GNAQ: variants seen among roughly 807,000 people sequenced by gnomAD.
The protein encoded by GNAQ is G protein subunit alpha q, also known as guanine nucleotide-binding protein G(q) subunit alpha.
GNAQ carries 8 observed loss-of-function variants against 43.9 expected under a neutral mutation model. That is an observed-to-expected ratio of 0.18 (90% CI 0.11 to 0.33). The LOEUF (loss-of-function observed/expected upper bound fraction) is 0.33, where lower values mean the gene tolerates loss of function less well. Among genes scored for constraint, GNAQ ranks in the 10% least tolerant of loss-of-function variants. GNAQ has a pLI of 1.00. For missense variants in GNAQ, 158 were observed against 450.8 expected (o/e 0.35, Z 5.88); for synonymous variants, 155 against 170.7 (o/e 0.91, Z 0.71).
At chr9:77,845,645 C>T (rs1210565103) in intron 2 of GNAQ, among the ~76,000 whole-genome samples, 1 of 152,162 alleles carries the variant, frequency 6.6e-6, no homozygotes, top group African/African-American at 2.4e-5. Context: ...ATCTCACAAC[C>T]ATCTCTTTAT....
intron 4 of GNAQ, 125 bp downstream of exon 4, chr9:77,797,395 G>T: frequency 1.4e-6 from 1 of 723,738 alleles, no homozygotes; most frequent in Non-Finnish European, 2.4e-6. Context: ...TATAACTAAT[G>T]ATAATAATTG....
At chr9:77,893,718 A>G (rs1316177778) in intron 2 of GNAQ, among the ~76,000 whole-genome samples, 1 of 152,194 alleles carries the variant, frequency 6.6e-6, no homozygotes, top group Non-Finnish European at 1.5e-5. Context: ...GGTTGTAAGG[A>G]AAACAGATGA....
At chr9:77,744,708 T>C (rs1825704740) in intron 5 of GNAQ, among the ~76,000 whole-genome samples, 1 of 152,104 alleles carries the variant, frequency 6.6e-6, no homozygotes, top group South Asian at 2.1e-4. Flanking sequence ...AGAATTACCA[T>C]CTTGCTGTAT....
chr9:77,973,648 C>G (rs1393729841), intron 1 of GNAQ, among the ~76,000 whole-genome samples: 1 of 152,158 alleles, frequency 6.6e-6, no homozygotes, highest in African/African-American at 2.4e-5. Context: ...GAAACCCTGT[C>G]TCTACTAAAA....
At chr9:78,014,849 TCAA>T (rs955590622) in intron 1 of GNAQ, among the ~76,000 whole-genome samples, 5 of 152,178 alleles carry the variant, frequency 3.3e-5, no homozygotes, top group African/African-American at 9.7e-5. Flanking sequence ...AATGTTTCAG[TCAA>T]CAACAGACCA....
intron 1 of GNAQ, among the ~76,000 whole-genome samples, chr9:77,999,722 C>A (rs1823620071): frequency 6.6e-6 from 1 of 152,140 alleles, no homozygotes; most frequent in Non-Finnish European, 1.5e-5. Context: ...CATGGATGAA[C>A]AGGATTAACA....
intron 2 of GNAQ, among the ~76,000 whole-genome samples, chr9:77,896,729 C>T (rs544840293): frequency 1.2e-3 from 179 of 152,318 alleles, no homozygotes; most frequent in African/African-American, 4.1e-3. Flanking sequence ...ACAGCTCCTC[C>T]TCAACTTCCC....
chr9:77,934,384 A>G (rs10869988), intron 1 of GNAQ, among the ~76,000 whole-genome samples: 33,702 of 152,140 alleles, frequency 0.22, 3,924 homozygotes, highest in South Asian at 0.38. Context: ...AAGTTGACTA[A>G]AAACTACAGT....
intron 1 of GNAQ, among the ~76,000 whole-genome samples, chr9:77,961,170 G>C (rs1338280870): frequency 6.6e-6 from 1 of 152,104 alleles, no homozygotes; most frequent in Non-Finnish European, 1.5e-5. Flanking sequence ...TAAAATGGGG[G>C]GAAAAGCCCA....
intron 3 of GNAQ, among the ~76,000 whole-genome samples, chr9:77,801,710 CAAAAACCA>C (rs1826744917): frequency 6.6e-6 from 1 of 152,042 alleles, no homozygotes; most frequent in African/African-American, 2.4e-5. Flanking sequence ...CATCTAGAAC[CAAAAACCA>C]AACCAAACAA....
At chr9:77,762,423 G>A (rs1352352684) in intron 5 of GNAQ, among the ~76,000 whole-genome samples, 1 of 132,368 alleles carries the variant, frequency 7.6e-6, no homozygotes, top group Admixed American at 7.1e-5. Flanking sequence ...CGGGAGGGAG[G>A]TGGGGGGGTC....
chr9:77,762,400 C>A (rs1348534993), intron 5 of GNAQ, among the ~76,000 whole-genome samples: 1 of 135,892 alleles, frequency 7.4e-6, no homozygotes, highest in African/African-American at 2.9e-5. Context: ...TCTGCCTGGC[C>A]AGCCACCCCA....
At chr9:77,860,506 C>T (rs1248270561) in intron 2 of GNAQ, among the ~76,000 whole-genome samples, 2 of 152,094 alleles carry the variant, frequency 1.3e-5, no homozygotes, top group African/African-American at 2.4e-5. Context: ...AACTGTTACA[C>T]CTCAAATCAT....
At chr9:77,734,724 T>C (rs1825550046) in intron 5 of GNAQ, among the ~76,000 whole-genome samples, 1 of 152,166 alleles carries the variant, frequency 6.6e-6, no homozygotes, top group Admixed American at 6.5e-5. Context: ...GATGATAATT[T>C]CTGTGTTCAC....
chr9:77,737,041 T>C lies in GNAQ; in HGVS notation c.736-8374A>G, dbSNP rs186750297. Among the ~76,000 whole-genome samples, 875 of 152,372 alleles carry C rather than the reference T, an allele frequency of 5.7e-3. 8 individuals are homozygous for C. The highest frequency in any genetic ancestry group is 7.8e-3 in the Non-Finnish European group (528 of 68,038). On this transcript the variant is annotated intron_variant, in intron 5 of 6. Transcript: ENST00000286548. ...AACTTACATGCAGTCTATCCTTAACTCTTTCCTTTCCTTTTCTCATAAGGG... is the reference window on the plus strand; with the variant it reads ...AACTTACATGCAGTCTATCCTTAACCCTTTCCTTTCCTTTTCTCATAAGGG...
chr9:77,979,600 G>A (rs1823344513), intron 1 of GNAQ, among the ~76,000 whole-genome samples: 1 of 152,072 alleles, frequency 6.6e-6, no homozygotes, highest in African/African-American at 2.4e-5. Flanking sequence ...GAACCTCTGA[G>A]GTCCCAAAGC....
chr9:77,804,553 CAGTAA>C (rs1826795166), intron 3 of GNAQ, among the ~76,000 whole-genome samples: 1 of 152,108 alleles, frequency 6.6e-6, no homozygotes, highest in South Asian at 2.1e-4. Context: ...ATACAACCCT[CAGTAA>C]TCACACCAAA....
intron 1 of GNAQ, among the ~76,000 whole-genome samples, chr9:77,948,316 T>C (rs1340804689): frequency 1.3e-5 from 2 of 152,204 alleles, no homozygotes; most frequent in Non-Finnish European, 1.5e-5. Flanking sequence ...CATCCAAATC[T>C]TGCTCCTCGC....
At chr9:77,764,577 T>C (rs1334021891) in intron 5 of GNAQ, among the ~76,000 whole-genome samples, 1 of 151,966 alleles carries the variant, frequency 6.6e-6, no homozygotes, top group Admixed American at 6.6e-5. Flanking sequence ...TGCCTCAGCC[T>C]CCCGAGTAAC....
Sources: gnomAD v4.1 joint callset for allele counts (sites outside exome capture counted in the v4.1 genomes callset) on GRCh38, gnomAD v4.1.1 for gene constraint, MANE v1.5 for transcripts, NCBI Gene and HGNC (gene_info 2026-07-23, HGNC 2026-07-21) for gene names.